Variants in FRMD4A observed in about 807,000 individuals in gnomAD.
FRMD4A encodes FERM domain containing 4A, also known as FERM domain-containing protein 4A.
A neutral mutation model predicts 129.1 loss-of-function variants in FRMD4A; 29 were observed. That is an observed-to-expected ratio of 0.22 (90% CI 0.17 to 0.31). The LOEUF is 0.31. FRMD4A is among the 10% of genes least tolerant of loss of function. The pLI is 1.00. For missense variants in FRMD4A, 1,272 were observed against 1,375.8 expected (o/e 0.92, Z 1.19); for synonymous variants, 634 against 571.6 (o/e 1.11, Z -1.56).
At chr10:13,824,411 A>G (rs2130916421) in intron 3 of FRMD4A, among the ~76,000 whole-genome samples, 1 of 151,472 alleles carries the variant, frequency 6.6e-6, no homozygotes, top group South Asian at 2.1e-4. Flanking sequence ...AATTGCTTGA[A>G]CCCAGCAGGT....
chr10:13,904,446 A>G (rs941184320), intron 2 of FRMD4A, among the ~76,000 whole-genome samples: 5 of 152,082 alleles, frequency 3.3e-5, no homozygotes, highest in Admixed American at 2.6e-4. Context: ...ACCCATGCGC[A>G]TCTCTATGCT....
chr10:13,955,714 G>A (rs187895580), intron 2 of FRMD4A, among the ~76,000 whole-genome samples: 2 of 152,236 alleles, frequency 1.3e-5, no homozygotes, highest in African/African-American at 2.4e-5. Flanking sequence ...CCCTGCCGGG[G>A]TCTACTTTGT....
intron 6 of FRMD4A, among the ~76,000 whole-genome samples, chr10:13,773,962 C>T (rs1226699153): frequency 6.6e-6 from 1 of 152,230 alleles, no homozygotes; most frequent in African/African-American, 2.4e-5. Flanking sequence ...CCAGGGAACA[C>T]GCAACGTTCC....
chr10:13,863,041 A>G (rs1039791278), intron 2 of FRMD4A, among the ~76,000 whole-genome samples: 1 of 151,334 alleles, frequency 6.6e-6, no homozygotes, highest in Non-Finnish European at 1.5e-5. Flanking sequence ...AAGGCTTCTC[A>G]TAGATGTCAA....
At chr10:14,327,027 A>C in intron 2 of FRMD4A, 1 of 398,552 alleles carries the variant, frequency 2.5e-6, no homozygotes, top group Non-Finnish European at 4.4e-6. Flanking sequence ...TGTCCGTTGA[A>C]AGAATCAGTG....
intron 2 of FRMD4A, among the ~76,000 whole-genome samples, chr10:14,109,044 C>A (rs530396273): frequency 6.6e-6 from 1 of 152,234 alleles, no homozygotes; most frequent in African/African-American, 2.4e-5. Context: ...CATATCCTAT[C>A]TCTTATTACT....
chr10:13,834,674 G>A (rs767507575), intron 3 of FRMD4A, among the ~76,000 whole-genome samples: 2 of 152,178 alleles, frequency 1.3e-5, no homozygotes, highest in Non-Finnish European at 2.9e-5. Flanking sequence ...GTCATCTTCA[G>A]CATTACAAAG....
At chr10:13,688,744 C>T (rs2148282) in intron 15 of FRMD4A, among the ~76,000 whole-genome samples, 24,808 of 151,968 alleles carry the variant, frequency 0.16, 2,723 homozygotes, top group Non-Finnish European at 0.24. Flanking sequence ...GACAGAGTCT[C>T]GCTCTGTCTC....
intron 2 of FRMD4A, among the ~76,000 whole-genome samples, chr10:14,127,769 A>G (rs1338175599): frequency 6.6e-6 from 1 of 152,092 alleles, no homozygotes; most frequent in Non-Finnish European, 1.5e-5. Context: ...TTCCCTCCTC[A>G]AAATACCTTT....
At chr10:14,312,660 A>G (rs1846592155) in intron 2 of FRMD4A, among the ~76,000 whole-genome samples, 1 of 152,166 alleles carries the variant, frequency 6.6e-6, no homozygotes, top group African/African-American at 2.4e-5. Flanking sequence ...TAATACTAGG[A>G]AGCACTTACA....
intron 2 of FRMD4A, among the ~76,000 whole-genome samples, chr10:14,169,565 C>CA (rs1000024752): frequency 5.3e-5 from 8 of 152,122 alleles, no homozygotes; most frequent in Admixed American, 2.0e-4. Context: ...CACCCTTTAC[C>CA]AAAAAAACTG....
intron 4 of FRMD4A, among the ~76,000 whole-genome samples, chr10:13,798,542 C>T (rs1343053789): frequency 6.6e-6 from 1 of 152,156 alleles, no homozygotes; most frequent in South Asian, 2.1e-4. Context: ...CGGTGAAACC[C>T]TGTCTCTACT....
chr10:13,923,038 A>G (rs2095091264), intron 2 of FRMD4A, among the ~76,000 whole-genome samples: 1 of 152,216 alleles, frequency 6.6e-6, no homozygotes, highest in East Asian at 1.9e-4. Context: ...ATGATAACCT[A>G]GGGTAATCAT....
chr10:14,008,675 A>C (rs1345560894), intron 2 of FRMD4A: 1 of 172,356 alleles, frequency 5.8e-6, no homozygotes, highest in Admixed American at 6.5e-5. Context: ...TCTGGAGTGG[A>C]GATTAATGCA....
intron 2 of FRMD4A, among the ~76,000 whole-genome samples, chr10:13,916,073 G>A (rs2095000716): frequency 6.6e-6 from 1 of 152,194 alleles, no homozygotes; most frequent in African/African-American, 2.4e-5. Flanking sequence ...GGCACTGACG[G>A]CAGGTCAACT....
chr10:13,812,217 T>C (rs1035482850), intron 3 of FRMD4A, among the ~76,000 whole-genome samples: 4 of 152,210 alleles, frequency 2.6e-5, no homozygotes, highest in Admixed American at 6.5e-5. Context: ...GGTACTGCCA[T>C]GGACTGAATT....
At chr10:13,856,364 C>A (rs1027496365) in intron 3 of FRMD4A, among the ~76,000 whole-genome samples, 3 of 151,866 alleles carry the variant, frequency 2.0e-5, no homozygotes, top group Non-Finnish European at 4.4e-5. Flanking sequence ...TTCAACAAGT[C>A]TTTATTTAGT....
intron 9 of FRMD4A, among the ~76,000 whole-genome samples, chr10:13,745,925 G>A (rs1377628713): frequency 6.6e-6 from 1 of 152,160 alleles, no homozygotes; most frequent in Non-Finnish European, 1.5e-5. Flanking sequence ...AAGGAAACGG[G>A]ACCATCATTT....
At chr10:14,099,205 C>T (rs1038377453) in intron 2 of FRMD4A, among the ~76,000 whole-genome samples, 1 of 152,218 alleles carries the variant, frequency 6.6e-6, no homozygotes, top group African/African-American at 2.4e-5. Context: ...TGGCCTAAGC[C>T]CATACCCATG....
Sources: gnomAD v4.1 joint callset for allele counts (sites outside exome capture counted in the v4.1 genomes callset) on GRCh38, gnomAD v4.1.1 for gene constraint, MANE v1.5 for transcripts, NCBI Gene and HGNC (gene_info 2026-07-23, HGNC 2026-07-21) for gene names.